The following PLAT variants were observed in gnomAD, a reference collection of about 807,000 sequenced individuals.
The protein encoded by PLAT is plasminogen activator, tissue type.
Under a neutral mutation model 74.9 loss-of-function variants are expected in PLAT, and 48 were observed. The ratio of observed to expected loss-of-function variants is 0.64; its 90% CI spans 0.51 to 0.82. PLAT has a LOEUF of 0.82. Ranked by LOEUF, PLAT falls within the 40% of genes least tolerant of loss-of-function variation. The probability of loss-of-function intolerance (pLI) is 0.00; values close to 1 mark genes in which losing one functional copy is unlikely to be tolerated. For missense variants in PLAT, 673 were observed against 736.2 expected (o/e 0.91, Z 0.99); for synonymous variants, 307 against 294.4 (o/e 1.04, Z -0.44).
chr8:42,190,360 A>G (rs1271259737), intron 3 of PLAT, among the ~76,000 whole-genome samples: 2 of 152,208 alleles, frequency 1.3e-5, no homozygotes, highest in Non-Finnish European at 2.9e-5. Flanking sequence ...GACATTTTAG[A>G]CTTTGCAGAA....
intron 1 of PLAT, among the ~76,000 whole-genome samples, chr8:42,196,497 A>G (rs1025908724): frequency 1.3e-5 from 2 of 152,260 alleles, no homozygotes; most frequent in Non-Finnish European, 2.9e-5. Context: ...AAAACAGTGC[A>G]GTCTGAAAAC....
chr8:42,181,952 C>T lies in PLAT; in HGVS notation c.874G>A (p.Asp292Asn), dbSNP rs781279681. 3 of 1,610,302 alleles carry T rather than the reference C, an allele frequency of 1.9e-6. No homozygotes were observed. Among genetic ancestry groups the T allele is most frequent in the South Asian group, 2.2e-5 (2 of 90,994 alleles). ...CAGCCCTTACAGCAGGAGGGCACATCACAGTACTCCCACGTCAGCCTGCGG... is the reference window on the plus strand; with the variant it reads ...CAGCCCTTACAGCAGGAGGGCACATTACAGTACTCCCACGTCAGCCTGCGG... ...KNRRLTWEYC[D>N]VPSCSTCGLR... The change falls in exon 9 of 14, where the codon GAT becomes AAT. Residue 292 changes from aspartate to asparagine, a missense_variant. Physicochemically the swap from Asp to Asn is conservative, Grantham distance 23. Coordinates refer to ENST00000220809, the MANE Select transcript of PLAT (RefSeq NM_000930.5).
chr8:42,207,288 C>T (rs1806379331), intron 1 of PLAT, among the ~76,000 whole-genome samples: 1 of 152,340 alleles, frequency 6.6e-6, no homozygotes. Context: ...CTGCCTCTCC[C>T]CTCCAAAACA....
chr8:42,182,814 G>T lies in PLAT; in HGVS notation c.708C>A (p.Cys236Ter). 1.2e-6 allele frequency: 2 copies of T among 1,612,824 alleles called. No homozygotes were observed. Among genetic ancestry groups the T allele is most frequent in the Non-Finnish European group, 8.5e-7 (1 of 1,178,814 alleles). ...TCAGGATCATGGAATTCCACGGGAG[G>T]CAGGAGGCACCCGACTCGGTGAGGC... The part of the protein sequence containing the change: ...THSLTESGAS[C>*]LPWNSMILIG... The change falls in exon 8 of 14, where the codon TGC (cysteine) becomes TGA (stop). Residue 236 changes from cysteine to a stop codon, truncating the protein, a stop_gained. Transcript: ENST00000220809. LOFTEE classifies it high-confidence loss of function.
Position 42,187,563 on chromosome 8 carries a change from G to A in PLAT, c.374C>T (p.Ala125Val). 6.3e-7 allele frequency: 1 copy of A among 1,596,264 alleles called. No homozygotes were observed. The highest frequency in any genetic ancestry group is 2.1e-4 in the Middle Eastern group (1 of 4,812). Reference protein sequence around the residue: ...AGKCCEIDTRATCYEDQGISY... With the variant: ...AGKCCEIDTRVTCYEDQGISY... ...GATGCCCTGGTCCTCGTAGCACGTG[G>A]CCCTGGTATCTGACAGAGAGCAGGG... Residue 125 changes from alanine (A) to valine (V), a missense_variant, in exon 6 of 14, where the codon GCC becomes GTC. Ala to Val is a moderately conservative substitution (Grantham distance 64). Transcript: ENST00000220809.
Position 42,180,637 on chromosome 8 carries a change from C to G in PLAT, c.938G>C (p.Gly313Ala). 2 of 1,607,230 alleles carry G rather than the reference C, an allele frequency of 1.2e-6. No individual in the cohort carries two copies. The highest frequency in any genetic ancestry group is 1.7e-6 in the Non-Finnish European group (2 of 1,175,832). Residue 313 changes from glycine to alanine, a missense_variant, in exon 10 of 14, where the codon GGA becomes GCA. By Grantham distance (60) the Gly-to-Ala change is moderately conservative (BLOSUM62 0). Transcript: ENST00000220809. ...GGAGGCGATGTCGGCGAAGAGCCCT[C>G]CTTTGATGCGAAACTGAGGCTGGCT... is the stretch of plus-strand genomic sequence containing the variant. Reference protein sequence around the residue: ...QYSQPQFRIKGGLFADIASHP... With the variant: ...QYSQPQFRIKAGLFADIASHP...
At chr8:42,193,435 C>T (rs1028204614) in intron 1 of PLAT, among the ~76,000 whole-genome samples, 1 of 152,208 alleles carries the variant, frequency 6.6e-6, no homozygotes, top group African/African-American at 2.4e-5. Flanking sequence ...GTTCAGTGCA[C>T]AGTTCAGTGG....
intron 3 of PLAT, among the ~76,000 whole-genome samples, chr8:42,190,829 G>A (rs1477532864): frequency 6.6e-6 from 1 of 152,184 alleles, no homozygotes; most frequent in Admixed American, 6.5e-5. Flanking sequence ...CCATGTCGAG[G>A]GGTTGCCTGG....
In PLAT at chr8:42,189,083, G is replaced by A. The variant is rs754852084; in HGVS notation, c.116-12C>T. On this transcript the variant is annotated splice_polypyrimidine_tract_variant and intron_variant, in intron 3 of 13. Coordinates refer to ENST00000220809, the MANE Select transcript of PLAT (RefSeq NM_000930.5). Reference sequence around the variant, plus strand: ...ATCTCTGCAGATCACTATGAGAAAAGACAGGCCAGCCTCATCAGAGTATGA... The same window carrying A: ...ATCTCTGCAGATCACTATGAGAAAAAACAGGCCAGCCTCATCAGAGTATGA... The A allele has an allele frequency of 6.2e-7, 1 of 1,611,040 alleles. No homozygotes were observed. The highest frequency in any genetic ancestry group is 1.1e-5 in the South Asian group (1 of 91,032).
intron 12 of PLAT, 49 bp downstream of exon 12, chr8:42,179,877 C>T (rs752174090): frequency 2.0e-6 from 3 of 1,498,026 alleles, no homozygotes; most frequent in Middle Eastern, 1.8e-4. Flanking sequence ...ACCGCAGCCT[C>T]CCCTGCTGTC....
At chr8:42,196,908 A>T (rs1368767391) in intron 1 of PLAT, among the ~76,000 whole-genome samples, 1 of 152,112 alleles carries the variant, frequency 6.6e-6, no homozygotes, top group Non-Finnish European at 1.5e-5. Flanking sequence ...AGAAAAGGAA[A>T]AAAAAGAAAG....
intron 9 of PLAT, 61 bp downstream of exon 9, chr8:42,181,876 G>C: frequency 1.0e-6 from 1 of 969,766 alleles, no homozygotes; most frequent in Non-Finnish European, 1.7e-6. Flanking sequence ...CTAGAAAGTG[G>C]CGAGGAGATG....
At chr8:42,180,886 A>G in intron 9 of PLAT, 1 of 527,070 alleles carries the variant, frequency 1.9e-6, no homozygotes, top group Admixed American at 3.7e-5. Flanking sequence ...CCAAGGTTGC[A>G]ATGGCACCTG....
chr8:42,199,202 G>A (rs2129806545), intron 1 of PLAT, among the ~76,000 whole-genome samples: 1 of 152,276 alleles, frequency 6.6e-6, no homozygotes, highest in East Asian at 1.9e-4. Context: ...TTTTCTATAG[G>A]CTAAATGGTT....
intron 6 of PLAT, chr8:42,186,371 G>A (rs1397563240): frequency 6.6e-6 from 1 of 152,116 alleles, no homozygotes; most frequent in East Asian, 1.9e-4. Flanking sequence ...CAGATGAACT[G>A]AGCCAGACTC....
chr8:42,183,157 C>T (rs1805319575), intron 7 of PLAT, among the ~76,000 whole-genome samples: 1 of 152,162 alleles, frequency 6.6e-6, no homozygotes, highest in Admixed American at 6.5e-5. Context: ...GCATGCGCCA[C>T]CATGCTACGC....
chr8:42,181,785 G>T, intron 9 of PLAT, 152 bp downstream of exon 9: 1 of 380,308 alleles, frequency 2.6e-6, no homozygotes, highest in Non-Finnish European at 4.9e-6. Context: ...CACCCACCGT[G>T]GCTTCAGTCA....
intron 9 of PLAT, among the ~76,000 whole-genome samples, chr8:42,181,230 T>C (rs962360624): frequency 2.6e-5 from 4 of 152,246 alleles, no homozygotes; most frequent in African/African-American, 9.6e-5. Flanking sequence ...CTTGTGTTCC[T>C]TGGGGAACAT....
chr8:42,204,648 G>A (rs1806263984), intron 1 of PLAT, among the ~76,000 whole-genome samples: 1 of 151,354 alleles, frequency 6.6e-6, no homozygotes, highest in African/African-American at 2.4e-5. Flanking sequence ...CTGGGAGGTG[G>A]AGGTTGCAGT....
Sources: gnomAD v4.1 joint callset for allele counts (sites outside exome capture counted in the v4.1 genomes callset) on GRCh38, gnomAD v4.1.1 for gene constraint, MANE v1.5 for transcripts, NCBI Gene and HGNC (gene_info 2026-07-23, HGNC 2026-07-21) for gene names.